NRG3: variants seen among roughly 807,000 people sequenced by gnomAD.
NRG3 encodes the protein pro-neuregulin-3, membrane-bound isoform.
NRG3 carries 31 observed loss-of-function variants against 66.9 expected under a neutral mutation model. The observed-to-expected ratio is 0.46, with a 90% CI of 0.35 to 0.63. The LOEUF is 0.63. NRG3 is among the 20% of genes least tolerant of loss of function. The pLI, the probability that NRG3 is intolerant of heterozygous loss-of-function variation, is 0.00. For synonymous variants in NRG3, 393 were observed against 359.4 expected (o/e 1.09, Z -1.06); for missense variants, 910 against 878.9 (o/e 1.04, Z -0.45).
At chr10:81,997,352 G>A (rs2060978196) in intron 1 of NRG3, among the ~76,000 whole-genome samples, 1 of 152,224 alleles carries the variant, frequency 6.6e-6, no homozygotes, top group South Asian at 2.1e-4. Flanking sequence ...ACTATGGGAT[G>A]TCCTTCGCCT....
intron 1 of NRG3, among the ~76,000 whole-genome samples, chr10:82,312,519 C>T (rs368356009): frequency 2.6e-5 from 4 of 152,138 alleles, no homozygotes; most frequent in Admixed American, 1.3e-4. Flanking sequence ...TAGCTCCTGC[C>T]GTGAAAGTTT....
At chr10:82,844,382 C>G (rs539920796) in intron 3 of NRG3, among the ~76,000 whole-genome samples, 1 of 152,240 alleles carries the variant, frequency 6.6e-6, no homozygotes, top group Admixed American at 6.5e-5. Flanking sequence ...AAGGGCTAAC[C>G]CCGGATGCCA....
intron 2 of NRG3, among the ~76,000 whole-genome samples, chr10:82,723,418 T>G (rs1291198451): frequency 6.6e-6 from 1 of 152,130 alleles, no homozygotes; most frequent in East Asian, 1.9e-4. Flanking sequence ...CTCAGCATCA[T>G]GCAAAATACC....
chr10:82,651,932 A>C (rs1352594574), intron 2 of NRG3, among the ~76,000 whole-genome samples: 1 of 152,214 alleles, frequency 6.6e-6, no homozygotes, highest in Non-Finnish European at 1.5e-5. Flanking sequence ...CGGGACTCAC[A>C]GAGGGAGTGC....
At chr10:82,190,059 CG>C (rs2074048055) in intron 1 of NRG3, among the ~76,000 whole-genome samples, 1 of 152,100 alleles carries the variant, frequency 6.6e-6, no homozygotes, top group South Asian at 2.1e-4. Context: ...CAGTTCAGAA[CG>C]GGGTCTTCCA....
intron 1 of NRG3, among the ~76,000 whole-genome samples, chr10:82,287,843 T>G (rs73306643): frequency 0.17 from 25,899 of 151,848 alleles, 5,079 homozygotes; most frequent in African/African-American, 0.48. Context: ...TGGGACCAAA[T>G]TCTCAAGAAA....
At chr10:82,379,504 C>G (rs544643597) in intron 2 of NRG3, among the ~76,000 whole-genome samples, 13 of 151,754 alleles carry the variant, frequency 8.6e-5, no homozygotes, top group Admixed American at 2.0e-4. Flanking sequence ...AAAATGGGTG[C>G]GATAATAACA....
At chr10:82,362,655 G>T (rs1056246303) in intron 2 of NRG3, among the ~76,000 whole-genome samples, 1 of 144,956 alleles carries the variant, frequency 6.9e-6, no homozygotes, top group South Asian at 2.3e-4. Flanking sequence ...TTCCTAAAAT[G>T]TTGGGATTAC....
chr10:82,520,040 G>A (rs1483855209), intron 2 of NRG3, among the ~76,000 whole-genome samples: 2 of 151,866 alleles, frequency 1.3e-5, no homozygotes, highest in African/African-American at 4.8e-5. Context: ...GATGGGATGT[G>A]TGCTATGGTA....
chr10:82,579,284 C>T (rs1422470091), intron 2 of NRG3, among the ~76,000 whole-genome samples: 1 of 151,442 alleles, frequency 6.6e-6, no homozygotes, highest in Non-Finnish European at 1.5e-5. Context: ...GTTAACATAT[C>T]ATAAATAAAG....
intron 1 of NRG3, among the ~76,000 whole-genome samples, chr10:82,258,598 G>A (rs1456058558): frequency 1.3e-5 from 2 of 152,196 alleles, no homozygotes; most frequent in African/African-American, 2.4e-5. Flanking sequence ...TTAATTCAGT[G>A]CTTTGCCCAA....
intron 1 of NRG3, among the ~76,000 whole-genome samples, chr10:82,036,905 A>G (rs1199814598): frequency 6.6e-6 from 1 of 152,120 alleles, no homozygotes; most frequent in East Asian, 1.9e-4. Flanking sequence ...GTCTTGGGGT[A>G]GCAATTGCTA....
At chr10:82,097,579 G>A (rs2066437687) in intron 1 of NRG3, among the ~76,000 whole-genome samples, 2 of 151,144 alleles carry the variant, frequency 1.3e-5, no homozygotes, top group East Asian at 1.9e-4. Flanking sequence ...ATGCACATTA[G>A]CATATGGCTT....
rs142428983 is a variant in NRG3 at position 82,489,479 on chromosome 10, G to T, written c.953+130611G>T. The stretch of plus-strand genomic sequence containing the variant: ...AAAATCAGAGCCTGGGTCATGGTAG[G>T]TAGGCAAAGGCTGAGGCAGCAATGT... On this transcript the variant is annotated intron_variant, in intron 2 of 8. Coordinates refer to ENST00000372141, the MANE Select transcript of NRG3 (RefSeq NM_001010848.4). Among the ~76,000 whole-genome samples the T allele has an allele frequency of 3.8e-3, 574 of 152,266 alleles. 5 individuals are homozygous for T. The highest frequency in any genetic ancestry group is 0.014 in the African/African-American group (561 of 41,536).
intron 2 of NRG3, among the ~76,000 whole-genome samples, chr10:82,728,317 C>T (rs994093111): frequency 1.3e-5 from 2 of 152,108 alleles, no homozygotes; most frequent in Non-Finnish European, 2.9e-5. Context: ...GTAACTCCTG[C>T]AATTCCCACA....
chr10:82,424,445 G>A (rs2089288206), intron 2 of NRG3, among the ~76,000 whole-genome samples: 1 of 151,730 alleles, frequency 6.6e-6, no homozygotes, highest in Non-Finnish European at 1.5e-5. Context: ...ATGCATTTTT[G>A]GAGTAATATT....
At chr10:82,218,244 T>A (rs910195497) in intron 1 of NRG3, among the ~76,000 whole-genome samples, 4 of 152,176 alleles carry the variant, frequency 2.6e-5, no homozygotes, top group Non-Finnish European at 4.4e-5. Flanking sequence ...CCCATACAAA[T>A]TAACAGCATA....
At chr10:82,805,946 C>G (rs904094932) in intron 3 of NRG3, among the ~76,000 whole-genome samples, 1 of 152,098 alleles carries the variant, frequency 6.6e-6, no homozygotes, top group Non-Finnish European at 1.5e-5. Context: ...TCTTTATTTT[C>G]AAATTTTTCT....
At chr10:82,912,752 T>G (rs1489477911) in intron 4 of NRG3, among the ~76,000 whole-genome samples, 2 of 152,190 alleles carry the variant, frequency 1.3e-5, no homozygotes, top group Non-Finnish European at 2.9e-5. Context: ...CATTTTGTTT[T>G]TTCATTTTTG....
Sources: allele counts gnomAD v4.1 joint callset (sites outside exome capture counted in the v4.1 genomes callset), GRCh38; gene constraint gnomAD v4.1.1; transcripts MANE v1.5; gene names NCBI Gene and HGNC (gene_info 2026-07-23, HGNC 2026-07-21).